MACF1: variants seen among roughly 807,000 people sequenced by gnomAD.
MACF1 encodes microtubule actin crosslinking factor 1, also known as microtubule-actin cross-linking factor 1.
In MACF1, 193 loss-of-function variants were observed where a neutral mutation model predicts 854.8. The observed-to-expected ratio is 0.23, with a 90% CI of 0.20 to 0.25. MACF1 has a LOEUF of 0.25. Among genes scored for constraint, MACF1 ranks in the 10% least tolerant of loss-of-function variants. The pLI is 1.00. For synonymous variants in MACF1, 3,185 were observed against 3,226.7 expected (o/e 0.99, Z 0.44); for missense variants, 7,722 against 8,929.1 (o/e 0.86, Z 5.45).
At chr1:39,451,814 T>C (rs1253390668) in intron 85 of MACF1, among the ~76,000 whole-genome samples, 2 of 152,208 alleles carry the variant, frequency 1.3e-5, no homozygotes, top group African/African-American at 2.4e-5. Context: ...AAATTATGTA[T>C]CTCCTAAATG....
chr1:39,334,838 G>C lies in MACF1; in HGVS notation c.8250G>C (p.Leu2750=), dbSNP rs1225684153. ...TAGTAGAAGCTATTGAGAAAAGACT[G>C]ATCAGCCCTGAACTGGCAAATATGA... ...VTLVEAIEKR[L]ISPELANMIQ... Residue 2750 remains leucine (L), a synonymous_variant, in exon 37 of 101, where the codon CTG becomes CTC. Coordinates refer to ENST00000564288, the MANE Select transcript of MACF1 (RefSeq NM_001394062.1). The C allele has an allele frequency of 7.4e-6, 12 of 1,614,026 alleles. No homozygotes were observed. Among genetic ancestry groups the C allele is most frequent in the Non-Finnish European group, 9.3e-6 (11 of 1,180,026 alleles).
intron 58 of MACF1, among the ~76,000 whole-genome samples, chr1:39,400,023 G>C: frequency 6.6e-6 from 1 of 152,158 alleles, no homozygotes. Flanking sequence ...GATTTCCTCA[G>C]TTCTCCATCT....
chr1:39,273,798 G>C (rs1645376891), intron 6 of MACF1, among the ~76,000 whole-genome samples: 1 of 152,214 alleles, frequency 6.6e-6, no homozygotes, highest in East Asian at 1.9e-4. Flanking sequence ...CACCGTGTTA[G>C]CCAGGATGGT....
At chr1:39,437,207 GTATATTCA>G (rs1643998193) in intron 70 of MACF1, among the ~76,000 whole-genome samples, 1 of 145,322 alleles carries the variant, frequency 6.9e-6, no homozygotes, top group Non-Finnish European at 1.5e-5. Context: ...TTGGTTTCTA[GTATATTCA>G]TATATTTAGA....
intron 49 of MACF1, among the ~76,000 whole-genome samples, chr1:39,365,603 C>T (rs1046452634): frequency 6.6e-6 from 1 of 152,054 alleles, no homozygotes; most frequent in East Asian, 1.9e-4. Context: ...CCATATTTTC[C>T]CCAGATTTAA....
At chr1:39,360,013 AT>A (rs1226521354) in intron 47 of MACF1, among the ~76,000 whole-genome samples, 403 of 20,884 alleles carry the variant, frequency 0.019, 13 homozygotes, top group African/African-American at 0.052. Flanking sequence ...AAAAAAAAAA[AT>A]ATATATATAT....
chr1:39,152,066 C>T (rs1227420074), intron 2 of MACF1, among the ~76,000 whole-genome samples: 1 of 152,032 alleles, frequency 6.6e-6, no homozygotes, highest in African/African-American at 2.4e-5. Flanking sequence ...CCTCCACCTC[C>T]CAGGTTCAAG....
intron 40 of MACF1, among the ~76,000 whole-genome samples, chr1:39,346,357 G>GT (rs1647047580): frequency 6.6e-6 from 1 of 151,948 alleles, no homozygotes; most frequent in African/African-American, 2.4e-5. Flanking sequence ...GCGAAACTCT[G>GT]TATCAAAAGG....
At position 39,424,055 on chromosome 1, in the gene MACF1, A is replaced by G; in HGVS notation, c.16177A>G (p.Lys5393Glu). 1 of 1,611,874 alleles carries G rather than the reference A, an allele frequency of 6.2e-7. No homozygotes were observed. Among genetic ancestry groups the G allele is most frequent in the Non-Finnish European group, 8.5e-7 (1 of 1,179,614 alleles). Residue 5393 changes from lysine (K) to glutamate (E), a missense_variant, in exon 61 of 101, where the codon AAG (lysine) becomes GAG (glutamate). Physicochemically the swap from Lys to Glu is moderately conservative, Grantham distance 56. Coordinates refer to ENST00000564288, the MANE Select transcript of MACF1 (RefSeq NM_001394062.1). The stretch of plus-strand genomic sequence containing the variant: ...GCTCCAGCGGCTCCTAGATGATCGA[A>G]AGGCCACAGTAGACATGCTTCAAGC... ...KLLQRLLDDRKATVDMLQAEG... is the reference protein window; with the variant it reads ...KLLQRLLDDREATVDMLQAEG...
chr1:39,448,872 G>A (rs1644278906), intron 84 of MACF1, 109 bp downstream of exon 84: 7 of 793,742 alleles, frequency 8.8e-6, no homozygotes, highest in Admixed American at 2.7e-5. Context: ...AAGAGGTTTT[G>A]TACCATCTTA....
chr1:39,123,674 G>C (rs890690657), intron 2 of MACF1, among the ~76,000 whole-genome samples: 1 of 150,652 alleles, frequency 6.6e-6, no homozygotes, highest in African/African-American at 2.4e-5. Flanking sequence ...CAAATAGCTG[G>C]GACTACAGGC....
intron 80 of MACF1, among the ~76,000 whole-genome samples, 185 bp downstream of exon 80, chr1:39,445,020 A>G (rs1644195688): frequency 6.6e-6 from 1 of 152,192 alleles, no homozygotes; most frequent in Admixed American, 6.5e-5. Context: ...TTTTATAATT[A>G]TTCATTCCTT....
intron 6 of MACF1, among the ~76,000 whole-genome samples, chr1:39,281,257 G>C (rs1254779228): frequency 6.6e-6 from 1 of 152,058 alleles, no homozygotes; most frequent in Non-Finnish European, 1.5e-5. Context: ...ACTCCATAGA[G>C]GTAACTATGA....
At position 39,442,399 on chromosome 1, in the gene MACF1, T is replaced by C. The variant is rs1644138202; in HGVS notation, c.18949-13T>C. On this transcript the variant is annotated splice_polypyrimidine_tract_variant and intron_variant, in intron 76 of 100. Coordinates refer to ENST00000564288, the MANE Select transcript of MACF1 (RefSeq NM_001394062.1). ...TCGTATTGAATATTCCCTTTCTGTC[T>C]TTTCCTGAGTAGCACAAACTAGAAG... The C allele has an allele frequency of 1.9e-6, 3 of 1,611,100 alleles. No individual in the cohort carries two copies. Among genetic ancestry groups the C allele is most frequent in the Non-Finnish European group, 2.5e-6 (3 of 1,179,144 alleles).
chr1:39,477,073 A>AGTG (rs1481277864), intron 97 of MACF1, among the ~76,000 whole-genome samples: 3 of 37,866 alleles, frequency 7.9e-5, no homozygotes, highest in Non-Finnish European at 1.3e-4. Flanking sequence ...ATATATATAT[A>AGTG]TATATATATA....
chr1:39,467,413 A>G (rs1180983869), intron 95 of MACF1, among the ~76,000 whole-genome samples: 1 of 152,166 alleles, frequency 6.6e-6, no homozygotes, highest in Non-Finnish European at 1.5e-5. Flanking sequence ...ATACCCGAGG[A>G]ACCCTTGAAT....
intron 63 of MACF1, 91 bp from the exon 64 acceptor site, chr1:39,429,151 C>T (rs902580397): frequency 1.5e-6 from 1 of 665,240 alleles, no homozygotes; most frequent in African/African-American, 1.8e-5. Context: ...GTATTCATCT[C>T]TTTACTTTAA....
chr1:39,119,929 A>G lies in MACF1; in HGVS notation c.220+35491A>G, dbSNP rs113180209. 2.0e-3 allele frequency among the ~76,000 whole-genome samples: 275 copies of G among 139,338 alleles called. 1 individual carries two copies. Among genetic ancestry groups the G allele is most frequent in the African/African-American group, 7.2e-3 (266 of 36,952 alleles). 91.4% of individuals were successfully genotyped at this position (139,338 alleles called of 152,430 possible). ...GAGTTTTGCTCTTGTTGCCCAGGCT[A>G]AAGAAGTGCAATGGCATGATCTCGG... is the stretch of plus-strand genomic sequence containing the variant. On this transcript the variant is annotated intron_variant, in intron 2 of 93. Transcript: ENST00000361689.
chr1:39,146,694 G>A (rs1334830929), intron 2 of MACF1, among the ~76,000 whole-genome samples: 2 of 151,980 alleles, frequency 1.3e-5, no homozygotes, highest in Admixed American at 1.3e-4. Context: ...GTTACCAGAA[G>A]TTGGGAAGGG....
Sources: gnomAD v4.1 joint callset for allele counts (sites outside exome capture counted in the v4.1 genomes callset) on GRCh38, gnomAD v4.1.1 for gene constraint, MANE v1.5 for transcripts, NCBI Gene and HGNC (gene_info 2026-07-23, HGNC 2026-07-21) for gene names.